Variants in CRHR1 observed in about 807,000 individuals in gnomAD.
The protein encoded by CRHR1 is corticotropin-releasing hormone receptor 1.
In CRHR1, 28 loss-of-function variants were observed where a neutral mutation model predicts 56.0. That is an observed-to-expected ratio of 0.50 (90% CI 0.37 to 0.69). CRHR1 has a LOEUF of 0.69. CRHR1 is among the 30% of genes least tolerant of loss of function. The probability of loss-of-function intolerance (pLI) is 0.00; values close to 1 mark genes in which losing one functional copy is unlikely to be tolerated. For missense variants in CRHR1, 376 were observed against 548.0 expected, an observed-to-expected ratio of 0.69 and a Z score of 3.13; for synonymous variants, 195 against 216.5, an observed-to-expected ratio of 0.90 and a Z score of 0.87.
intron 1 of CRHR1, among the ~76,000 whole-genome samples, chr17:45,797,149 G>A (rs1439599380): frequency 6.6e-6 from 1 of 152,176 alleles, no homozygotes; most frequent in Non-Finnish European, 1.5e-5. Flanking sequence ...GTGGGCAGGG[G>A]GCTGGGCAAG....
chr17:45,800,621 G>A (rs1448549895), intron 1 of CRHR1: 2 of 152,400 alleles, frequency 1.3e-5, no homozygotes, highest in South Asian at 2.1e-4. Context: ...GAGGAGTCAG[G>A]TGACTCACCG....
intron 4 of CRHR1, 132 bp from the exon 5 acceptor site, chr17:45,829,083 G>A (rs2062232372): frequency 1.5e-6 from 1 of 688,224 alleles, no homozygotes; most frequent in South Asian, 1.8e-5. Context: ...CTGACCCTCA[G>A]CAGATGCTCA....
chr17:45,824,850 C>T (rs4335809), intron 4 of CRHR1, among the ~76,000 whole-genome samples: 21,784 of 152,008 alleles, frequency 0.14, 2,133 homozygotes, highest in Middle Eastern at 0.22. Context: ...ATTCACCTGC[C>T]GCCCCCTGTC....
chr17:45,833,693 T>TGGGGCCA, intron 10 of CRHR1, 21 bp from the exon 11 acceptor site: 1 of 1,571,618 alleles, frequency 6.4e-7, no homozygotes, highest in Non-Finnish European at 8.7e-7. Flanking sequence ...ACTCCGAGCC[T>TGGGGCCA]CCCCACCCGC....
chr17:45,821,657 G>A (rs2062044699), intron 4 of CRHR1, among the ~76,000 whole-genome samples: 1 of 152,236 alleles, frequency 6.6e-6, no homozygotes, highest in South Asian at 2.1e-4. Context: ...GGCAGGCTCT[G>A]ATGGTGATGA....
chr17:45,822,084 C>T (rs192182109), intron 4 of CRHR1, among the ~76,000 whole-genome samples: 3 of 151,952 alleles, frequency 2.0e-5, no homozygotes, highest in East Asian at 1.9e-4. Context: ...ATTTTGTATA[C>T]GTATTCTTTT....
intron 1 of CRHR1, among the ~76,000 whole-genome samples, chr17:45,802,304 G>A (rs185272559): frequency 1.7e-3 from 253 of 152,248 alleles, no homozygotes; most frequent in South Asian, 4.1e-3. Flanking sequence ...TAGCCTGGGC[G>A]ACAGAGCAAG....
rs537131072 is a variant in CRHR1 at position 45,792,064 on chromosome 17, G to A, written c.33+7487G>A. Among the ~76,000 whole-genome samples, 5 of 152,238 alleles carry A rather than the reference G, an allele frequency of 3.3e-5. No homozygotes were observed. In the East Asian group the frequency reaches 9.7e-4, roughly 30 times the overall value. On this transcript the variant is annotated intron_variant, in intron 1 of 12. Transcript: ENST00000314537. ...GGCTGACTTCCAGAGGAGCAGCTGG[G>A]CACCTGGGGACCACGGGCTTAGCTG...
At chr17:45,809,509 C>A (rs536248199) in intron 2 of CRHR1, among the ~76,000 whole-genome samples, 67 of 152,376 alleles carry the variant, frequency 4.4e-4, no homozygotes, top group Admixed American at 2.8e-3. Flanking sequence ...GAATAGTGTT[C>A]ATTCCCTAGT....
intron 4 of CRHR1, among the ~76,000 whole-genome samples, chr17:45,822,534 G>A (rs1257663337): frequency 1.3e-5 from 2 of 152,168 alleles, no homozygotes; most frequent in African/African-American, 4.8e-5. Flanking sequence ...GAATCCCGTC[G>A]CCTAAAGATC....
At chr17:45,814,030 G>T (rs920569903) in intron 2 of CRHR1, among the ~76,000 whole-genome samples, 1 of 152,252 alleles carries the variant, frequency 6.6e-6, no homozygotes, top group Admixed American at 6.5e-5. Context: ...CCTCGCTGTG[G>T]CTGGTGCCCA....
In CRHR1 at chr17:45,833,773, T is replaced by A. The variant is rs775549154; in HGVS notation, c.989T>A (p.Phe330Tyr). Reference protein sequence around the residue: ...LPLLGITYMLFFVNPGEDEVS... With the variant: ...LPLLGITYMLYFVNPGEDEVS... ...CTCCTGGGCATCACCTACATGCTGTTCTTCGTCAATCCCGGGGAGGATGAG... is the reference window on the plus strand; with the variant it reads ...CTCCTGGGCATCACCTACATGCTGTACTTCGTCAATCCCGGGGAGGATGAG... Residue 330 changes from phenylalanine (F) to tyrosine (Y), a missense_variant, in exon 11 of 13, where the codon TTC becomes TAC. Coordinates refer to ENST00000314537, the MANE Select transcript of CRHR1 (RefSeq NM_004382.5). The A allele has an allele frequency of 1.1e-5, 17 of 1,609,206 alleles. No homozygotes were observed. Among genetic ancestry groups the A allele is most frequent in the Non-Finnish European group, 1.4e-5 (17 of 1,177,652 alleles).
chr17:45,805,457 G>A (rs1030935010), intron 1 of CRHR1, among the ~76,000 whole-genome samples: 1 of 152,030 alleles, frequency 6.6e-6, no homozygotes, highest in South Asian at 2.1e-4. Flanking sequence ...CCTCTCTCCC[G>A]ATCTTATTTT....
intron 1 of CRHR1, among the ~76,000 whole-genome samples, chr17:45,787,537 T>G (rs1239391092): frequency 6.6e-6 from 1 of 152,204 alleles, no homozygotes; most frequent in Non-Finnish European, 1.5e-5. Flanking sequence ...CCTCACTCTT[T>G]TAATCTGGCT....
intron 3 of CRHR1, 21 bp from the exon 4 acceptor site, chr17:45,821,334 G>T: frequency 6.2e-7 from 1 of 1,611,726 alleles, no homozygotes; most frequent in Non-Finnish European, 8.5e-7. Flanking sequence ...CGCCATCACT[G>T]CCTCTCTCTT....
In CRHR1 at chr17:45,830,697, A is replaced by C. The variant is rs1272486266; in HGVS notation, c.709+127A>C. 5.4e-6 allele frequency: 7 copies of C among 1,292,090 alleles called. No individual in the cohort carries two copies. In the Admixed American group the frequency reaches 1.6e-4, roughly 30 times the overall value. The allele number at this position is 1,292,090 out of a possible 1,614,324, so 80.0% of individuals were successfully genotyped here. Reference sequence around the variant, plus strand: ...GTCGGGTTGGGGCGGTAAGGTGTGCACGATAGCCCTCTGCTCCTCTTGGGG... The same window carrying C: ...GTCGGGTTGGGGCGGTAAGGTGTGCCCGATAGCCCTCTGCTCCTCTTGGGG... On this transcript the variant is annotated intron_variant, in intron 7 of 12. Coordinates refer to ENST00000314537, the MANE Select transcript of CRHR1 (RefSeq NM_004382.5).
At chr17:45,791,850 T>TCACACA (rs1327755962) in intron 1 of CRHR1, among the ~76,000 whole-genome samples, 30 of 112,266 alleles carry the variant, frequency 2.7e-4, no homozygotes, top group Admixed American at 9.8e-5. Flanking sequence ...TCTCTCTCTC[T>TCACACA]CTCACACACA....
intron 4 of CRHR1, chr17:45,827,248 A>T (rs972248622): frequency 6.6e-6 from 1 of 152,282 alleles, no homozygotes; most frequent in African/African-American, 2.4e-5. Context: ...AGGGCCCGGT[A>T]CGGCCTGACT....
At chr17:45,790,844 T>C (rs1054095745) in intron 1 of CRHR1, among the ~76,000 whole-genome samples, 2 of 151,992 alleles carry the variant, frequency 1.3e-5, no homozygotes, top group Non-Finnish European at 1.5e-5. Context: ...TTTTAAGAGG[T>C]AGTGGGGGCT....
Sources: gnomAD v4.1 joint callset for allele counts (sites outside exome capture counted in the v4.1 genomes callset) on GRCh38, gnomAD v4.1.1 for gene constraint, MANE v1.5 for transcripts, NCBI Gene and HGNC (gene_info 2026-07-23, HGNC 2026-07-21) for gene names.